The following MINDY2 variants were observed in gnomAD, a reference collection of about 807,000 sequenced individuals.
The protein encoded by MINDY2 is MINDY lysine 48 deubiquitinase 2, also known as ubiquitin carboxyl-terminal hydrolase MINDY-2.
A neutral mutation model predicts 68.2 loss-of-function variants in MINDY2; 52 were observed. That is an observed-to-expected ratio of 0.76 (90% CI 0.61 to 0.96). The LOEUF (loss-of-function observed/expected upper bound fraction) is 0.96, where lower values mean the gene tolerates loss of function less well. Among genes scored for constraint, MINDY2 ranks in the 40% least tolerant of loss-of-function variants. The pLI, the probability that MINDY2 is intolerant of heterozygous loss-of-function variation, is 0.00. For synonymous variants in MINDY2, 372 were observed against 303.0 expected, an observed-to-expected ratio of 1.23 and a Z score of -2.36; for missense variants, 881 against 773.4, an observed-to-expected ratio of 1.14 and a Z score of -1.65.
intron 2 of MINDY2, among the ~76,000 whole-genome samples, chr15:58,797,892 T>C (rs1044675159): frequency 1.3e-5 from 2 of 152,096 alleles, no homozygotes; most frequent in African/African-American, 2.4e-5. Flanking sequence ...AAGGATGAGA[T>C]TGGTGCAAAA....
At chr15:58,841,872 C>A (rs1423629532) in intron 6 of MINDY2, among the ~76,000 whole-genome samples, 1 of 152,048 alleles carries the variant, frequency 6.6e-6, no homozygotes, top group Non-Finnish European at 1.5e-5. Flanking sequence ...CCATTTCTGT[C>A]CTAGAAACAG....
chr15:58,780,170 C>A lies in MINDY2; in HGVS notation c.841-7736C>A, dbSNP rs138205629. ...CTGTAATCCCAGCACTTTGTGAGGC[C>A]GAGGCAGGCGGATCACTTGATGTCA... is the stretch of plus-strand genomic sequence containing the variant. On this transcript the variant is annotated intron_variant, in intron 1 of 8. Coordinates refer to ENST00000559228, the MANE Select transcript of MINDY2 (RefSeq NM_001040450.3). Among the ~76,000 whole-genome samples, 509 of 151,962 alleles carry A rather than the reference C, an allele frequency of 3.3e-3. 2 individuals carry two copies. Among genetic ancestry groups the A allele is most frequent in the African/African-American group, 0.012 (489 of 41,448 alleles).
At chr15:58,810,060 A>G (rs2030122017) in intron 3 of MINDY2, among the ~76,000 whole-genome samples, 170 bp from the exon 4 acceptor site, 1 of 152,224 alleles carries the variant, frequency 6.6e-6, no homozygotes, top group South Asian at 2.1e-4. Context: ...TGTATCTTTC[A>G]AACTCCAACT....
chr15:58,799,829 G>A (rs1422979635), intron 2 of MINDY2, among the ~76,000 whole-genome samples: 2 of 152,148 alleles, frequency 1.3e-5, no homozygotes, highest in Admixed American at 1.3e-4. Flanking sequence ...GTTAGGAAGT[G>A]TAATAAAGTA....
chr15:58,839,259 T>G (rs1335984726), intron 6 of MINDY2, among the ~76,000 whole-genome samples: 1 of 152,190 alleles, frequency 6.6e-6, no homozygotes, highest in African/African-American at 2.4e-5. Flanking sequence ...ATCTCTATTC[T>G]AACTCCCATC....
intron 6 of MINDY2, among the ~76,000 whole-genome samples, chr15:58,844,442 C>T (rs1361576331): frequency 2.6e-5 from 4 of 151,354 alleles, no homozygotes; most frequent in Non-Finnish European, 5.9e-5. Flanking sequence ...GTCCCAGCTA[C>T]TTGGGAGGCT....
intron 3 of MINDY2, among the ~76,000 whole-genome samples, chr15:58,806,717 A>G (rs182590318): frequency 6.6e-6 from 1 of 152,214 alleles, no homozygotes; most frequent in East Asian, 1.9e-4. Context: ...ATAGAGGAAA[A>G]TCTGGTGGTT....
intron 3 of MINDY2, among the ~76,000 whole-genome samples, chr15:58,809,811 G>A (rs778400210): frequency 4.6e-5 from 7 of 152,158 alleles, no homozygotes; most frequent in Admixed American, 1.3e-4. Flanking sequence ...ACAGAGTCTC[G>A]CTCTGTTGAC....
chr15:58,827,256 G>C (rs568723475), intron 5 of MINDY2, among the ~76,000 whole-genome samples: 2 of 152,256 alleles, frequency 1.3e-5, no homozygotes, highest in Admixed American at 1.3e-4. Flanking sequence ...TCTTTGAACT[G>C]TGTGAATATG....
intron 3 of MINDY2, among the ~76,000 whole-genome samples, chr15:58,803,866 T>G (rs1288488995): frequency 2.0e-5 from 3 of 148,624 alleles, no homozygotes; most frequent in Non-Finnish European, 4.4e-5. Flanking sequence ...TCCAGCACTT[T>G]GGTAGGCCAA....
intron 1 of MINDY2, among the ~76,000 whole-genome samples, chr15:58,780,500 A>G (rs1345791769): frequency 2.0e-5 from 3 of 152,248 alleles, no homozygotes; most frequent in Admixed American, 6.5e-5. Context: ...CTCACTCAGG[A>G]TGTTTGATTG....
chr15:58,812,159 T>G (rs1482954348), intron 4 of MINDY2, among the ~76,000 whole-genome samples: 1 of 152,184 alleles, frequency 6.6e-6, no homozygotes, highest in Non-Finnish European at 1.5e-5. Flanking sequence ...AAGAACAGTC[T>G]GGGCGCAGTG....
chr15:58,801,272 C>G (rs1902632915), intron 2 of MINDY2, among the ~76,000 whole-genome samples: 1 of 150,984 alleles, frequency 6.6e-6, no homozygotes, highest in African/African-American at 2.4e-5. Flanking sequence ...TCATGCCCAG[C>G]CCAGTTTAGC....
chr15:58,832,677 G>A (rs1257754164), intron 6 of MINDY2, among the ~76,000 whole-genome samples: 2 of 150,370 alleles, frequency 1.3e-5, no homozygotes, highest in African/African-American at 4.9e-5. Flanking sequence ...ATAGGTATGC[G>A]CCACCACACC....
chr15:58,776,515 G>T (rs1408263392), intron 1 of MINDY2, among the ~76,000 whole-genome samples: 1 of 152,198 alleles, frequency 6.6e-6, no homozygotes, highest in African/African-American at 2.4e-5. Context: ...TAATAAAAAT[G>T]TAGTACATTA....
intron 2 of MINDY2, among the ~76,000 whole-genome samples, chr15:58,799,578 C>CAA (rs34347740): frequency 9.6e-5 from 11 of 115,148 alleles, no homozygotes; most frequent in Middle Eastern, 4.2e-3. Flanking sequence ...GACTCCATCT[C>CAA]AAAAAAAAAA....
Position 58,847,601 on chromosome 15 carries a change from G to C in MINDY2, c.1542+131G>C, listed in dbSNP as rs1445713220. The C allele has an allele frequency of 6.0e-6, 4 of 671,780 alleles. No homozygotes were observed. In the African/African-American group the frequency reaches 7.2e-5, roughly 12 times the overall value. The allele number at this position is 671,780 out of a possible 1,614,324, so 41.6% of individuals were successfully genotyped here. A position where few individuals can be genotyped will look rare whatever the true frequency, so the allele number is the denominator to read the frequency against. On this transcript the variant is annotated intron_variant, in intron 7 of 8. Transcript: ENST00000559228. Reference sequence around the variant, plus strand: ...TTGTGAAATTTTCCTGACACTTCCTGAATAGTTGGTGATCATTCTACATGT... The same window carrying C: ...TTGTGAAATTTTCCTGACACTTCCTCAATAGTTGGTGATCATTCTACATGT...
chr15:58,807,279 C>T (rs1595733410), intron 3 of MINDY2, among the ~76,000 whole-genome samples: 1 of 149,824 alleles, frequency 6.7e-6, no homozygotes, highest in East Asian at 2.0e-4. Flanking sequence ...TTTCTTTATT[C>T]TTTCAAATGT....
intron 3 of MINDY2, among the ~76,000 whole-genome samples, chr15:58,806,762 T>C (rs1352270922): frequency 6.6e-6 from 1 of 152,200 alleles, no homozygotes; most frequent in East Asian, 1.9e-4. Context: ...TCACTGTTGT[T>C]ACTATTTTTT....
Sources: allele counts gnomAD v4.1 joint callset (sites outside exome capture counted in the v4.1 genomes callset), GRCh38; gene constraint gnomAD v4.1.1; transcripts MANE v1.5; gene names NCBI Gene and HGNC (gene_info 2026-07-23, HGNC 2026-07-21).